GRM1: variants seen among roughly 807,000 people sequenced by gnomAD.
GRM1 encodes the protein metabotropic glutamate receptor 1.
GRM1 carries 33 observed loss-of-function variants against 90.9 expected under a neutral mutation model. That is an observed-to-expected ratio of 0.36 (90% CI 0.28 to 0.49). The LOEUF is 0.49. Ranked by LOEUF, GRM1 falls within the 20% of genes least tolerant of loss-of-function variation. The pLI, the probability that GRM1 is intolerant of heterozygous loss-of-function variation, is 0.99. For synonymous variants in GRM1, 700 were observed against 613.2 expected (o/e 1.14, Z -2.09); for missense variants, 1,190 against 1,534.3 (o/e 0.78, Z 3.75).
intron 2 of GRM1, among the ~76,000 whole-genome samples, chr6:146,185,315 C>A (rs918175356): frequency 4.6e-5 from 7 of 152,148 alleles, no homozygotes; most frequent in African/African-American, 1.7e-4. Flanking sequence ...AATAAAAGAA[C>A]ATGGGGCTAG....
At chr6:146,257,048 T>G (rs1174273203) in intron 2 of GRM1, among the ~76,000 whole-genome samples, 1 of 152,182 alleles carries the variant, frequency 6.6e-6, no homozygotes, top group Non-Finnish European at 1.5e-5. Context: ...TAGTCTCTCA[T>G]CCTTCTTTAT....
At chr6:146,323,051 G>A (rs1007897581) in intron 3 of GRM1, among the ~76,000 whole-genome samples, 22 of 152,146 alleles carry the variant, frequency 1.4e-4, no homozygotes, top group East Asian at 3.9e-4. Flanking sequence ...TGAATGTCCC[G>A]CTATAAACGT....
chr6:146,345,638 G>A (rs1785159733), intron 3 of GRM1, among the ~76,000 whole-genome samples: 1 of 152,212 alleles, frequency 6.6e-6, no homozygotes, highest in South Asian at 2.1e-4. Context: ...AAACTTTGAA[G>A]CTTTCTTACA....
Position 146,166,113 on chromosome 6 carries a change from A to G in GRM1, c.950+6516A>G, listed in dbSNP as rs182066020. 3.9e-5 allele frequency among the ~76,000 whole-genome samples: 6 copies of G among 152,234 alleles called. 1 individual carries two copies. Among genetic ancestry groups the G allele is most frequent in the Admixed American group, 3.3e-4 (5 of 15,284 alleles). On this transcript the variant is annotated intron_variant, in intron 2 of 7. Coordinates refer to ENST00000282753, the MANE Select transcript of GRM1 (RefSeq NM_001278064.2). ...ATTTTGTCTTTGATGCTGATCAGAG[A>G]CAATATGGAATTTATCTTAACATGT...
In GRM1 at chr6:146,055,970, G is replaced by A. The variant is rs1156381269; in HGVS notation, c.700+25753G>A. Among the ~76,000 whole-genome samples, 6 of 152,094 alleles carry A rather than the reference G, an allele frequency of 3.9e-5. No homozygotes were observed. In the East Asian group the frequency reaches 9.7e-4, roughly 24 times the overall value. ...AAGGGAAGCAGTTAGAGACTAATCA[G>A]TGAGAAGAACCCTCCAACTGATTCA... On this transcript the variant is annotated intron_variant, in intron 1 of 7. Transcript: ENST00000282753.
Position 146,029,313 on chromosome 6 carries a change from G to T in GRM1, c.-205G>T. On this transcript the variant is annotated 5_prime_UTR_variant, in exon 1 of 8. Transcript: ENST00000282753. ...CCCTTACAAACGCCTCCAGCTTGTA[G>T]AGGCGGTCGTGGAGGACCCAGAGGA... The T allele has an allele frequency of 1.6e-6, 1 of 609,244 alleles. No individual in the cohort carries two copies. Among genetic ancestry groups the T allele is most frequent in the Non-Finnish European group, 2.9e-6 (1 of 342,522 alleles). The allele number at this position is 609,244 out of a possible 1,614,324, so 37.7% of individuals were successfully genotyped here. A position where few individuals can be genotyped will look rare whatever the true frequency, so the allele number is the denominator to read the frequency against.
intron 2 of GRM1, among the ~76,000 whole-genome samples, chr6:146,268,329 T>A (rs1362234157): frequency 6.6e-6 from 1 of 152,266 alleles, no homozygotes. Context: ...CTTATGTTTA[T>A]GCTTAAGAAG....
chr6:146,289,221 T>C (rs1282936336), intron 2 of GRM1, among the ~76,000 whole-genome samples: 1 of 152,164 alleles, frequency 6.6e-6, no homozygotes, highest in Non-Finnish European at 1.5e-5. Flanking sequence ...TGTTAATGCC[T>C]CTGAAGACCT....
intron 2 of GRM1, among the ~76,000 whole-genome samples, chr6:146,227,686 T>C (rs1430408873): frequency 6.6e-6 from 1 of 152,114 alleles, no homozygotes; most frequent in Non-Finnish European, 1.5e-5. Context: ...ATTAAATAAA[T>C]TGCAACTATG....
At chr6:146,287,829 A>T (rs971950933) in intron 2 of GRM1, among the ~76,000 whole-genome samples, 1 of 152,206 alleles carries the variant, frequency 6.6e-6, no homozygotes, top group African/African-American at 2.4e-5. Context: ...GGAAATGATG[A>T]GGGGGAGATT....
At chr6:146,432,332 C>T (rs529959471) in intron 7 of GRM1, among the ~76,000 whole-genome samples, 9 of 152,286 alleles carry the variant, frequency 5.9e-5, no homozygotes, top group South Asian at 2.1e-4. Context: ...TAATCAATAT[C>T]AGACATTTAC....
intron 2 of GRM1, among the ~76,000 whole-genome samples, chr6:146,251,788 C>CT (rs1781288903): frequency 6.6e-6 from 1 of 152,244 alleles, no homozygotes; most frequent in Admixed American, 6.5e-5. Flanking sequence ...CCCAGATCCT[C>CT]TGTGACCTCG....
At chr6:146,176,439 C>T (rs1778339745) in intron 2 of GRM1, among the ~76,000 whole-genome samples, 1 of 152,010 alleles carries the variant, frequency 6.6e-6, no homozygotes, top group Admixed American at 6.5e-5. Context: ...AATATCTCCC[C>T]ATGAGCTTCT....
intron 1 of GRM1, among the ~76,000 whole-genome samples, chr6:146,128,322 G>A (rs1441045004): frequency 1.3e-5 from 2 of 152,064 alleles, no homozygotes; most frequent in Non-Finnish European, 2.9e-5. Context: ...GATAATAATA[G>A]GATATGTTTA....
intron 1 of GRM1, among the ~76,000 whole-genome samples, chr6:146,085,798 A>G (rs1296512735): frequency 1.3e-5 from 2 of 152,158 alleles, no homozygotes; most frequent in Admixed American, 6.6e-5. Context: ...TCAGTGGGTT[A>G]CACATTTAGT....
chr6:146,042,757 T>A (rs1174710326), intron 1 of GRM1, among the ~76,000 whole-genome samples: 1 of 152,000 alleles, frequency 6.6e-6, no homozygotes, highest in Non-Finnish European at 1.5e-5. Context: ...TCTTCACTAT[T>A]GTACAGCCCT....
intron 1 of GRM1, among the ~76,000 whole-genome samples, chr6:146,066,605 C>T (rs545372882): frequency 1.3e-5 from 2 of 152,130 alleles, no homozygotes; most frequent in Non-Finnish European, 2.9e-5. Context: ...GGTAGTTGAA[C>T]TCTCAGTTCT....
intron 5 of GRM1, among the ~76,000 whole-genome samples, chr6:146,366,213 G>C (rs1426724037): frequency 1.3e-5 from 2 of 152,046 alleles, no homozygotes; most frequent in African/African-American, 4.8e-5. Flanking sequence ...CATTTTTATT[G>C]ACACATAATA....
intron 1 of GRM1, among the ~76,000 whole-genome samples, chr6:146,070,664 T>A (rs1207568725): frequency 6.6e-6 from 1 of 152,116 alleles, no homozygotes; most frequent in East Asian, 1.9e-4. Flanking sequence ...TACAAATATA[T>A]AAAATTAAGA....
Sources: allele counts gnomAD v4.1 joint callset (sites outside exome capture counted in the v4.1 genomes callset), GRCh38; gene constraint gnomAD v4.1.1; transcripts MANE v1.5; gene names NCBI Gene and HGNC (gene_info 2026-07-23, HGNC 2026-07-21).